EWSR1: variants seen among roughly 807,000 people sequenced by gnomAD.
EWSR1 encodes EWS RNA binding protein 1, also known as RNA-binding protein EWS.
Under a neutral mutation model 92.1 loss-of-function variants are expected in EWSR1, and 14 were observed. The observed-to-expected ratio is 0.15, with a 90% confidence interval of 0.10 to 0.24. The LOEUF is 0.24. Among genes scored for constraint, EWSR1 ranks in the 10% least tolerant of loss-of-function variants. The probability of loss-of-function intolerance (pLI) is 1.00; values close to 1 mark genes in which losing one functional copy is unlikely to be tolerated. For missense variants in EWSR1, 637 were observed against 870.9 expected (o/e 0.73, Z 3.38); for synonymous variants, 303 against 292.9 (o/e 1.03, Z -0.35).
At chr22:29,272,472 A>T (rs575156065) in intron 3 of EWSR1, 41 bp downstream of exon 3, 1 of 1,568,186 alleles carries the variant, frequency 6.4e-7, no homozygotes, top group African/African-American at 1.4e-5. Context: ...ACCTCCAAGT[A>T]AAATCAGTAT....
chr22:29,274,409 G>A, intron 4 of EWSR1: 1 of 1,055,410 alleles, frequency 9.5e-7, no homozygotes, highest in Non-Finnish European at 1.5e-6. Context: ...ACAGCAAGGT[G>A]CTAATGAAAA....
At chr22:29,286,888 AAAG>A (rs1163201598) in intron 6 of EWSR1, 32 bp from the exon 7 acceptor site, 4 of 1,549,754 alleles carry the variant, frequency 2.6e-6, no homozygotes, top group East Asian at 4.5e-5. Flanking sequence ...TCTTTCTAAA[AAAG>A]CTTTTTTTTT....
Position 29,284,965 on chromosome 22 carries a change from A to T in EWSR1, c.582-1958A>T, listed in dbSNP as rs2059909190. 1.3e-5 allele frequency among the ~76,000 whole-genome samples: 2 copies of T among 151,034 alleles called. 1 individual carries two copies. Among genetic ancestry groups the T allele is most frequent in the African/African-American group, 5.0e-5 (2 of 40,394 alleles). On this transcript the variant is annotated intron_variant, in intron 6 of 16. Coordinates refer to ENST00000397938, the MANE Select transcript of EWSR1 (RefSeq NM_005243.4). Reference sequence around the variant, plus strand: ...CTCCCAAGTAGCTGGCATTATAGGCATGTGCCACCACACACAGCTAATTTT... The same window carrying T: ...CTCCCAAGTAGCTGGCATTATAGGCTTGTGCCACCACACACAGCTAATTTT...
chr22:29,297,413 C>G (rs1227830793), intron 12 of EWSR1, among the ~76,000 whole-genome samples: 1 of 152,190 alleles, frequency 6.6e-6, no homozygotes, highest in African/African-American at 2.4e-5. Context: ...TTTTTCTGGC[C>G]AGGCACAGTG....
rs1035618973 is a variant in EWSR1 at position 29,274,394 on chromosome 22, C to G, written c.226+530C>G. ...GTTGAACCCCCAAACTTTCTAACAT[C>G]ACACACAGCAAGGTGCTAATGAAAA... On this transcript the variant is annotated intron_variant, in intron 4 of 16. Coordinates refer to ENST00000397938, the MANE Select transcript of EWSR1 (RefSeq NM_005243.4). 8 of 1,180,430 alleles carry G rather than the reference C, an allele frequency of 6.8e-6. No individual in the cohort carries two copies. In the East Asian group the frequency reaches 1.9e-4, roughly 28 times the overall value. The allele number at this position is 1,180,430 out of a possible 1,614,324, so 73.1% of individuals were successfully genotyped here. A position where few individuals can be genotyped will look rare whatever the true frequency, so the allele number is the denominator to read the frequency against.
chr22:29,286,890 A>C (rs771938786), intron 6 of EWSR1, 33 bp from the exon 7 acceptor site: 2 of 1,512,566 alleles, frequency 1.3e-6, no homozygotes, highest in South Asian at 2.3e-5. Context: ...TTTCTAAAAA[A>C]GCTTTTTTTT....
chr22:29,270,988 T>C (rs1025327702), intron 1 of EWSR1, among the ~76,000 whole-genome samples: 8 of 152,184 alleles, frequency 5.3e-5, no homozygotes, highest in South Asian at 4.1e-4. Flanking sequence ...AGTAGTCCAG[T>C]AAAGTACAGA....
At position 29,288,472 on chromosome 22, in the gene EWSR1, C is replaced by G. The variant is rs2060214982; in HGVS notation, c.794-134C>G. 3 of 760,694 alleles carry G rather than the reference C, an allele frequency of 3.9e-6. No homozygotes were observed. In the South Asian group the frequency reaches 6.6e-5, roughly 17 times the overall value. The allele number at this position is 760,694 out of a possible 1,614,324, so 47.1% of individuals were successfully genotyped here. On this transcript the variant is annotated intron_variant, in intron 7 of 16. Coordinates refer to ENST00000397938, the MANE Select transcript of EWSR1 (RefSeq NM_005243.4). ...TAAAAGAGCCTACCTATTAAGGATG[C>G]TTTATCGTGATGTAAAGAAGATGGT... is the stretch of plus-strand genomic sequence containing the variant.
At chr22:29,277,088 A>T (rs1319741575) in intron 4 of EWSR1, 1 of 229,196 alleles carries the variant, frequency 4.4e-6, no homozygotes, top group Non-Finnish European at 8.7e-6. Context: ...AGGGAAAGGC[A>T]TGGATCCTGC....
chr22:29,268,342 G>A lies in EWSR1; in HGVS notation c.6G>A (p.Ala2=). Residue 2 remains alanine (A), a synonymous_variant, in exon 1 of 17, where the codon GCG becomes GCA. Coordinates refer to ENST00000397938, the MANE Select transcript of EWSR1 (RefSeq NM_005243.4). M[A]STDYSTYSQA... ...ACGAGGAGGAAGGAGAGAAAATGGC[G>A]TCCACGGGTGAGTATGGTGGAACTG... is the stretch of plus-strand genomic sequence containing the variant. The A allele has an allele frequency of 6.2e-7, 1 of 1,614,152 alleles. No individual in the cohort carries two copies. The highest frequency in any genetic ancestry group is 8.5e-7 in the Non-Finnish European group (1 of 1,179,990).
chr22:29,294,827 C>G (rs71329464), intron 11 of EWSR1, among the ~76,000 whole-genome samples: 1 of 148,174 alleles, frequency 6.7e-6, no homozygotes, highest in Non-Finnish European at 1.5e-5. Context: ...GCAGGAGAAT[C>G]AGTTGATCCC....
intron 4 of EWSR1, chr22:29,275,960 T>A (rs1408858000): frequency 4.3e-6 from 1 of 231,320 alleles, no homozygotes; most frequent in East Asian, 6.1e-5. Flanking sequence ...ATTAAATCAT[T>A]TTGCTCTGTT....
intron 1 of EWSR1, among the ~76,000 whole-genome samples, chr22:29,271,985 A>C (rs901637744): frequency 3.9e-5 from 6 of 152,214 alleles, no homozygotes; most frequent in African/African-American, 1.4e-4. Context: ...CTGCCAAATC[A>C]GCTGATCTTG....
At chr22:29,269,001 C>T (rs531325010) in intron 1 of EWSR1, among the ~76,000 whole-genome samples, 231 of 152,268 alleles carry the variant, frequency 1.5e-3, no homozygotes, top group African/African-American at 5.3e-3. Context: ...CTCCAGGGCC[C>T]CCAGTTTGCC....
chr22:29,284,950 GCTGGCATTATAGGCATGTGCCACCA>G (rs1481792560), intron 6 of EWSR1, among the ~76,000 whole-genome samples: 3 of 151,092 alleles, frequency 2.0e-5, no homozygotes, highest in Admixed American at 6.6e-5. Flanking sequence ...CTCCCAAGTA[GCTGGCATTATAGGCATGTGCCACCA>G]CACACAGCTA....
At chr22:29,292,690 T>A in intron 11 of EWSR1, 84 bp downstream of exon 11, 6 of 842,548 alleles carry the variant, frequency 7.1e-6, no homozygotes, top group Non-Finnish European at 1.1e-5. Flanking sequence ...TTGAGAGTTG[T>A]TTTCTAAGGT....
Position 29,300,360 on chromosome 22 carries a change from CTTCT to C in EWSR1, c.*202_*205del, listed in dbSNP as rs1398541396. 2 of 533,490 alleles carry C rather than the reference CTTCT, an allele frequency of 3.7e-6. No individual in the cohort carries two copies. The highest frequency in any genetic ancestry group is 4.0e-5 in the African/African-American group (2 of 50,146). 33.0% of individuals were successfully genotyped at this position (533,490 alleles called of 1,614,324 possible). On this transcript the variant is annotated 3_prime_UTR_variant, in exon 17 of 17. Transcript: ENST00000397938. ...TAGTGTGCGGAGTTTTTTTTTCTTC[CTTCT>C]TTTAAAAATGGTTGTTTAAGACTTT...
At chr22:29,279,489 G>A (rs1009109540) in intron 5 of EWSR1, among the ~76,000 whole-genome samples, 1 of 152,218 alleles carries the variant, frequency 6.6e-6, no homozygotes, top group African/African-American at 2.4e-5. Context: ...GATGAGCAGA[G>A]CTCATACCCC....
At chr22:29,277,122 A>G (rs1039897331) in intron 4 of EWSR1, 5 of 227,328 alleles carry the variant, frequency 2.2e-5, no homozygotes, top group African/African-American at 4.4e-5. Context: ...GGCAGGAGCT[A>G]GGGATAGAAT....
Sources: gnomAD v4.1 joint callset for allele counts (sites outside exome capture counted in the v4.1 genomes callset) on GRCh38, gnomAD v4.1.1 for gene constraint, MANE v1.5 for transcripts, NCBI Gene and HGNC (gene_info 2026-07-23, HGNC 2026-07-21) for gene names.